Variants in ST3GAL2 observed in about 807,000 individuals in gnomAD.
The protein encoded by ST3GAL2 is ST3 beta-galactoside alpha-2,3-sialyltransferase 2.
In ST3GAL2, 16 loss-of-function variants were observed where a neutral mutation model predicts 37.5. The ratio of observed to expected loss-of-function variants is 0.43; its 90% CI spans 0.29 to 0.65. The LOEUF (loss-of-function observed/expected upper bound fraction) is 0.65. Among genes scored for constraint, ST3GAL2 ranks in the 30% least tolerant of loss-of-function variants. The pLI is 0.17. For synonymous variants in ST3GAL2, 238 were observed against 202.9 expected (o/e 1.17, Z -1.47); for missense variants, 383 against 487.8 (o/e 0.79, Z 2.02).
Position 70,433,780 on chromosome 16 carries a change from T to C in ST3GAL2, c.-1004+5169A>G, listed in dbSNP as rs984622486. Among the ~76,000 whole-genome samples the C allele has an allele frequency of 5.9e-5, 9 of 152,236 alleles. No individual in the cohort carries two copies. In the East Asian group the frequency reaches 7.7e-4, roughly 13 times the overall value. The stretch of plus-strand genomic sequence containing the variant: ...TTCCCACAGCTTTCCAAGGAAATGC[T>C]TTCCTGCCAAAGGCAGCCAAGTTGC... On this transcript the variant is annotated intron_variant, in intron 1 of 6. Coordinates refer to ENST00000342907, the MANE Select transcript of ST3GAL2 (RefSeq NM_006927.4).
chr16:70,412,154 AAAC>A (rs2047642691), intron 1 of ST3GAL2, among the ~76,000 whole-genome samples: 4 of 152,178 alleles, frequency 2.6e-5, no homozygotes, highest in African/African-American at 9.7e-5. Context: ...GTAGGTGATA[AAAC>A]TGTCTTAGCC....
intron 1 of ST3GAL2, chr16:70,422,890 C>T (rs2047724848): frequency 6.6e-6 from 1 of 152,272 alleles, no homozygotes; most frequent in Admixed American, 6.5e-5. Context: ...CCCTCACAAA[C>T]TGGAAGTGAC....
In ST3GAL2 at chr16:70,398,598, G is replaced by C; in HGVS notation, c.-68C>G. ...CCAGCCCGCTGAGGGGCCAGCCACG[G>C]CGTAGCCTGCCTATTCTGGCACCAC... On this transcript the variant is annotated 5_prime_UTR_variant, in exon 2 of 7. Transcript: ENST00000342907. 6.9e-7 allele frequency: 1 copy of C among 1,439,008 alleles called. No individual in the cohort carries two copies. The highest frequency in any genetic ancestry group is 9.3e-7 in the Non-Finnish European group (1 of 1,073,092). The allele number at this position is 1,439,008 out of a possible 1,614,324, so 89.1% of individuals were successfully genotyped here. A position where few individuals can be genotyped will look rare whatever the true frequency, so the allele number is the denominator to read the frequency against.
At chr16:70,412,823 G>C (rs571829921) in intron 1 of ST3GAL2, among the ~76,000 whole-genome samples, 1 of 152,104 alleles carries the variant, frequency 6.6e-6, no homozygotes, top group East Asian at 1.9e-4. Context: ...TAAGCAGGCG[G>C]ATCACTTGAG....
intron 1 of ST3GAL2, among the ~76,000 whole-genome samples, chr16:70,417,901 T>C (rs2047686672): frequency 6.6e-6 from 1 of 152,024 alleles, no homozygotes; most frequent in South Asian, 2.1e-4. Flanking sequence ...CCACACTACC[T>C]CCCGGGGTGA....
chr16:70,412,773 A>G (rs2047647793), intron 1 of ST3GAL2, among the ~76,000 whole-genome samples: 1 of 152,188 alleles, frequency 6.6e-6, no homozygotes, highest in African/African-American at 2.4e-5. Flanking sequence ...TAGGCTGGGC[A>G]TGGTGGCTCA....
At chr16:70,384,749 G>A (rs1445390197) in intron 4 of ST3GAL2, among the ~76,000 whole-genome samples, 1 of 151,740 alleles carries the variant, frequency 6.6e-6, no homozygotes, top group East Asian at 1.9e-4. Flanking sequence ...ATCAGGCTGG[G>A]TGTGGTGGCT....
chr16:70,394,137 G>A (rs757296348), intron 3 of ST3GAL2, among the ~76,000 whole-genome samples: 6 of 152,144 alleles, frequency 3.9e-5, no homozygotes, highest in African/African-American at 7.2e-5. Context: ...GCAGAGTCTC[G>A]GTCAAGACTG....
At chr16:70,433,093 C>T (rs766099065) in intron 1 of ST3GAL2, among the ~76,000 whole-genome samples, 2 of 152,340 alleles carry the variant, frequency 1.3e-5, no homozygotes, top group African/African-American at 2.4e-5. Flanking sequence ...ACTCTTCCTC[C>T]TCCTGACTGC....
chr16:70,399,103 C>A lies in ST3GAL2; in HGVS notation c.-573G>T. 2.5e-6 allele frequency: 1 copy of A among 400,702 alleles called. No homozygotes were observed. The highest frequency in any genetic ancestry group is 4.4e-6 in the Non-Finnish European group (1 of 227,576). 24.8% of individuals were successfully genotyped at this position (400,702 alleles called of 1,614,324 possible). A position where few individuals can be genotyped will look rare whatever the true frequency, so the allele number is the denominator to read the frequency against. On this transcript the variant is annotated 5_prime_UTR_variant, in exon 2 of 7. Coordinates refer to ENST00000342907, the MANE Select transcript of ST3GAL2 (RefSeq NM_006927.4). ...CAAAACCTCTGCCAGAGGAGGGGAG[C>A]CAGACCCCAACCCTGAGAGGACAAA...
chr16:70,426,799 C>T (rs549000174), intron 1 of ST3GAL2, among the ~76,000 whole-genome samples: 63 of 152,106 alleles, frequency 4.1e-4, no homozygotes, highest in Non-Finnish European at 6.8e-4. Flanking sequence ...CGTGAGCCAC[C>T]GCGCCTGGCC....
At chr16:70,383,319 G>C (rs2047419213) in intron 4 of ST3GAL2, 84 bp from the exon 5 acceptor site, 1 of 1,378,208 alleles carries the variant, frequency 7.3e-7, no homozygotes, top group Admixed American at 2.3e-5. Flanking sequence ...GGGAGGCTGA[G>C]GCAGGTGGAT....
chr16:70,398,467 G>A lies in ST3GAL2; in HGVS notation c.64C>T (p.Leu22=). 6.2e-7 allele frequency: 1 copy of A among 1,613,548 alleles called. No individual in the cohort carries two copies. The highest frequency in any genetic ancestry group is 2.2e-5 in the East Asian group (1 of 44,884). The change falls in exon 2 of 7, where the codon CTG becomes TTG. Residue 22 remains leucine, a synonymous_variant. Transcript: ENST00000342907. ...VAFLLVFIMS[L]LFTYSHHSMA... is the part of the protein sequence containing the mutation. Reference sequence around the variant, plus strand: ...CTGTGGTGCGAGTAGGTGAAGAGCAGGGACATGATGAACACCAGCAGGAAG... The same window carrying A: ...CTGTGGTGCGAGTAGGTGAAGAGCAAGGACATGATGAACACCAGCAGGAAG...
In ST3GAL2 at chr16:70,381,467, G is replaced by A. The variant is rs1342069549; in HGVS notation, c.*222C>T. 5 of 599,146 alleles carry A rather than the reference G, an allele frequency of 8.3e-6. No individual in the cohort carries two copies. Among genetic ancestry groups the A allele is most frequent in the African/African-American group, 1.9e-5 (1 of 53,438 alleles). 37.1% of individuals were successfully genotyped at this position (599,146 alleles called of 1,614,324 possible). The stretch of plus-strand genomic sequence containing the variant: ...GAGGAGACTGGACACAGCGCCGGAA[G>A]TTTTCCTTGAGTCACATGATTGGCT... On this transcript the variant is annotated 3_prime_UTR_variant, in exon 7 of 7. Transcript: ENST00000342907.
At chr16:70,431,026 A>G (rs1009917055) in intron 1 of ST3GAL2, among the ~76,000 whole-genome samples, 1 of 150,950 alleles carries the variant, frequency 6.6e-6, no homozygotes, top group Non-Finnish European at 1.5e-5. Flanking sequence ...GGCAGGGGAG[A>G]TTCCATATTC....
intron 1 of ST3GAL2, among the ~76,000 whole-genome samples, chr16:70,431,425 G>T (rs1342055819): frequency 6.6e-6 from 1 of 152,168 alleles, no homozygotes; most frequent in Non-Finnish European, 1.5e-5. Flanking sequence ...ACACCTCAGG[G>T]TCCCCTCTCT....
chr16:70,391,636 G>T (rs1431005174), intron 3 of ST3GAL2, among the ~76,000 whole-genome samples: 1 of 152,220 alleles, frequency 6.6e-6, no homozygotes, highest in Admixed American at 6.5e-5. Flanking sequence ...AGCCTTAACA[G>T]GGGATGTCAG....
At chr16:70,435,382 G>A (rs865948737) in intron 1 of ST3GAL2, among the ~76,000 whole-genome samples, 25 of 152,058 alleles carry the variant, frequency 1.6e-4, no homozygotes, top group Middle Eastern at 3.2e-3. Context: ...GATCACCTGA[G>A]GTCAGGAGTT....
chr16:70,384,048 A>G (rs1478929867), intron 4 of ST3GAL2, among the ~76,000 whole-genome samples: 2 of 152,068 alleles, frequency 1.3e-5, no homozygotes, highest in Non-Finnish European at 2.9e-5. Context: ...CGTAACCTAC[A>G]TGCCCTTCTC....
Sources: gnomAD v4.1 joint callset for allele counts (sites outside exome capture counted in the v4.1 genomes callset) on GRCh38, gnomAD v4.1.1 for gene constraint, MANE v1.5 for transcripts, NCBI Gene and HGNC (gene_info 2026-07-23, HGNC 2026-07-21) for gene names.